ABCA5: variants seen among roughly 807,000 people sequenced by gnomAD.
The protein encoded by ABCA5 is ATP binding cassette subfamily A member 5.
ABCA5 carries 163 observed loss-of-function variants against 206.0 expected under a neutral mutation model. That is an observed-to-expected ratio of 0.79 (90% CI 0.70 to 0.90). ABCA5 has a LOEUF of 0.90. Ranked by LOEUF, ABCA5 falls within the 40% of genes least tolerant of loss-of-function variation. ABCA5 has a pLI of 0.00. For synonymous variants in ABCA5, 609 were observed against 613.8 expected (o/e 0.99, Z 0.11); for missense variants, 1,859 against 1,912.9 (o/e 0.97, Z 0.53).
At chr17:69,292,370 T>C (rs970498919) in intron 11 of ABCA5, among the ~76,000 whole-genome samples, 2 of 152,232 alleles carry the variant, frequency 1.3e-5, no homozygotes, top group African/African-American at 4.8e-5. Context: ...TATTTTTTGA[T>C]GCTAAATGCT....
In ABCA5 at chr17:69,244,584, T is replaced by G. The variant is rs1318461765; in HGVS notation, c.*2953A>C. 1 of 151,816 alleles carries G rather than the reference T, an allele frequency of 6.6e-6. No homozygotes were observed. Among genetic ancestry groups the G allele is most frequent in the South Asian group, 2.1e-4 (1 of 4,828 alleles). 9.4% of individuals were successfully genotyped at this position (151,816 alleles called of 1,614,324 possible). A position where few individuals can be genotyped will look rare whatever the true frequency, so the allele number is the denominator to read the frequency against. ...CATCTGAGAATAAATTCTTTCATTT[T>G]AGGAAATAAGCTATTTCAGGAAAGA... On this transcript the variant is annotated 3_prime_UTR_variant, in exon 39 of 39. Transcript: ENST00000392676.
intron 11 of ABCA5, among the ~76,000 whole-genome samples, chr17:69,294,073 C>T (rs2075559162): frequency 6.6e-6 from 1 of 152,096 alleles, no homozygotes; most frequent in South Asian, 2.1e-4. Flanking sequence ...ACATGTATTG[C>T]ATATACATGC....
chr17:69,270,959 A>T (rs2075266683), intron 21 of ABCA5, among the ~76,000 whole-genome samples: 1 of 152,204 alleles, frequency 6.6e-6, no homozygotes, highest in Non-Finnish European at 1.5e-5. Flanking sequence ...ATAATTTTTT[A>T]AAAAACTAAA....
At chr17:69,285,131 T>C (rs949049166) in intron 17 of ABCA5, among the ~76,000 whole-genome samples, 1 of 152,150 alleles carries the variant, frequency 6.6e-6, no homozygotes, top group Non-Finnish European at 1.5e-5. Context: ...CTCATGTATT[T>C]CTTGAAATAT....
chr17:69,286,610 T>TA (rs1411816903), intron 15 of ABCA5, among the ~76,000 whole-genome samples: 1 of 152,206 alleles, frequency 6.6e-6, no homozygotes, highest in Non-Finnish European at 1.5e-5. Context: ...TCCAAATATA[T>TA]TTTTCCTAAA....
intron 4 of ABCA5, 101 bp from the exon 5 acceptor site, chr17:69,308,469 A>T: frequency 1.4e-6 from 1 of 740,432 alleles, no homozygotes; most frequent in Non-Finnish European, 2.3e-6. Flanking sequence ...CAATATAATC[A>T]ATCAATCTTT....
At chr17:69,310,733 G>A (rs922608183) in intron 3 of ABCA5, among the ~76,000 whole-genome samples, 1 of 152,194 alleles carries the variant, frequency 6.6e-6, no homozygotes, top group Non-Finnish European at 1.5e-5. Context: ...AACATGTGGT[G>A]AAATGGAAAG....
chr17:69,287,864 A>G (rs1213952666), intron 14 of ABCA5, 113 bp from the exon 15 acceptor site: 25 of 1,018,490 alleles, frequency 2.5e-5, no homozygotes, highest in Non-Finnish European at 3.1e-5. Flanking sequence ...TCAATCAGAA[A>G]TATATTAGAT....
chr17:69,316,520 T>C (rs181368088), intron 1 of ABCA5, among the ~76,000 whole-genome samples: 9 of 138,854 alleles, frequency 6.5e-5, no homozygotes, highest in Admixed American at 5.8e-4. Context: ...AAGAAAACTA[T>C]AGGACAATAA....
chr17:69,250,631 T>A lies in ABCA5; in HGVS notation c.4536-10A>T. The A allele has an allele frequency of 6.5e-7, 1 of 1,530,736 alleles. No homozygotes were observed. The highest frequency in any genetic ancestry group is 8.7e-7 in the Non-Finnish European group (1 of 1,143,414). The allele number at this position is 1,530,736 out of a possible 1,614,324, so 94.8% of individuals were successfully genotyped here. On this transcript the variant is annotated splice_polypyrimidine_tract_variant and intron_variant, in intron 35 of 38. Coordinates refer to ENST00000392676, the MANE Select transcript of ABCA5 (RefSeq NM_172232.4). ...TACTGTTCCGATACATCTGAAGTAA[T>A]TTTTTAAAAGAAAGCTCAGATATAA...
chr17:69,248,510 T>C, intron 37 of ABCA5, 193 bp from the exon 38 acceptor site: 1 of 392,538 alleles, frequency 2.5e-6, no homozygotes, highest in Non-Finnish European at 4.8e-6. Flanking sequence ...TAGCCCTAAG[T>C]ACTGTATGTT....
chr17:69,319,106 A>G (rs78377887), intron 1 of ABCA5: 11,712 of 263,536 alleles, frequency 0.044, 355 homozygotes, highest in Non-Finnish European at 0.063. Flanking sequence ...AAATTCTTCT[A>G]ACAGTCTCAA....
intron 36 of ABCA5, 120 bp downstream of exon 36, chr17:69,250,352 G>C: frequency 1.4e-6 from 1 of 729,066 alleles, no homozygotes; most frequent in Non-Finnish European, 2.1e-6. Context: ...TTCACACACA[G>C]AGATATATAT....
intron 28 of ABCA5, among the ~76,000 whole-genome samples, chr17:69,259,107 A>G (rs772513591): frequency 1.2e-4 from 18 of 152,156 alleles, no homozygotes; most frequent in Non-Finnish European, 2.2e-4. Flanking sequence ...ATGAAAATAT[A>G]TGTCCATACA....
In ABCA5 at chr17:69,246,667, T is replaced by C. The variant is rs2074955470; in HGVS notation, c.*870A>G. On this transcript the variant is annotated 3_prime_UTR_variant, in exon 39 of 39. Transcript: ENST00000392676. ...AAAACAAATACCCAATAAAATATTT[T>C]ATTCAAGAACAAAATTAAATGTGCC... The C allele has an allele frequency of 6.6e-6, 1 of 151,880 alleles. No homozygotes were observed. 9.4% of individuals were successfully genotyped at this position (151,880 alleles called of 1,614,324 possible).
intron 38 of ABCA5, 137 bp downstream of exon 38, chr17:69,248,125 T>C (rs1480440438): frequency 2.1e-5 from 11 of 531,130 alleles, no homozygotes; most frequent in South Asian, 1.1e-4. Context: ...TGATTAAAAT[T>C]ATACCAAGTT....
rs2075425164 is a variant in ABCA5, at chr17:69,284,048, T to TG, written c.2296dup (p.His766ProfsTer26). ...ATAAGAAATGACACCCAAATTTGAA[T>TG]GACTGTCTAGGGCAGAAAACAAACC... On this transcript the variant is annotated frameshift_variant, in exon 18 of 39. Coordinates refer to ENST00000392676, the MANE Select transcript of ABCA5 (RefSeq NM_172232.4). LOFTEE classifies it high-confidence loss of function. 4 of 1,605,240 alleles carry TG rather than the reference T, an allele frequency of 2.5e-6. No individual in the cohort carries two copies. Among genetic ancestry groups the TG allele is most frequent in the Non-Finnish European group, 3.4e-6 (4 of 1,176,316 alleles).
rs905978474 is a variant in ABCA5, at chr17:69,297,468, C to T, written c.1268-109G>A. ...CATCTAAAGTTTAGGTACCATTCCG[C>T]AACATATATATATTTCCAAACATCA... On this transcript the variant is annotated intron_variant, in intron 9 of 38. Coordinates refer to ENST00000392676, the MANE Select transcript of ABCA5 (RefSeq NM_172232.4). 3 of 893,352 alleles carry T rather than the reference C, an allele frequency of 3.4e-6. No homozygotes were observed. In the African/African-American group the frequency reaches 5.1e-5, roughly 15 times the overall value. The allele number at this position is 893,352 out of a possible 1,614,324, so 55.3% of individuals were successfully genotyped here. A position where few individuals can be genotyped will look rare whatever the true frequency, so the allele number is the denominator to read the frequency against.
intron 34 of ABCA5, among the ~76,000 whole-genome samples, chr17:69,252,610 C>A (rs911675154): frequency 6.6e-6 from 1 of 151,854 alleles, no homozygotes; most frequent in African/African-American, 2.4e-5. Context: ...CCGAAGGGGG[C>A]GGATCACCTG....
Sources: gnomAD v4.1 joint callset for allele counts (sites outside exome capture counted in the v4.1 genomes callset) on GRCh38, gnomAD v4.1.1 for gene constraint, MANE v1.5 for transcripts, NCBI Gene and HGNC (gene_info 2026-07-23, HGNC 2026-07-21) for gene names.